The following GTF3A variants were observed in gnomAD, a reference collection of about 807,000 sequenced individuals.
GTF3A encodes the protein transcription factor IIIA.
Under a neutral mutation model 37.6 loss-of-function variants are expected in GTF3A, and 40 were observed. The observed-to-expected ratio is 1.06, with a 90% confidence interval of 0.83 to 1.38. The LOEUF is 1.38. GTF3A is among the 40% of genes most tolerant of loss of function. The pLI is 0.00. For missense variants in GTF3A, 500 were observed against 462.6 expected, an observed-to-expected ratio of 1.08 and a Z score of -0.74; for synonymous variants, 191 against 166.7, an observed-to-expected ratio of 1.15 and a Z score of -1.12.
In GTF3A at chr13:27,434,138, G is replaced by A. The variant is rs763005215; in HGVS notation, c.563-1G>A. ...AGACAATGCACCAATTTTTTTAATAGGCTATGTATGTCAAAAAGGATGTTC... is the reference window on the plus strand; with the variant it reads ...AGACAATGCACCAATTTTTTTAATAAGCTATGTATGTCAAAAAGGATGTTC... On this transcript the variant is annotated splice_acceptor_variant, in intron 5 of 8. Transcript: ENST00000381140. LOFTEE classifies it high-confidence loss of function. The A allele has an allele frequency of 8.6e-7, 1 of 1,159,272 alleles. No homozygotes were observed. Among genetic ancestry groups the A allele is most frequent in the South Asian group, 1.2e-5 (1 of 82,058 alleles). 71.8% of individuals were successfully genotyped at this position (1,159,272 alleles called of 1,614,324 possible). A position where few individuals can be genotyped will look rare whatever the true frequency, so the allele number is the denominator to read the frequency against.
intron 3 of GTF3A, 49 bp from the exon 4 acceptor site, chr13:27,430,484 A>T: frequency 8.6e-7 from 1 of 1,163,956 alleles, no homozygotes; most frequent in Middle Eastern, 1.9e-4. Flanking sequence ...CGAACTGTTC[A>T]TTTTGTTTTG....
Position 27,434,128 on chromosome 13 carries a change from T to A in GTF3A, c.563-11T>A. On this transcript the variant is annotated splice_polypyrimidine_tract_variant and intron_variant, in intron 5 of 8. Coordinates refer to ENST00000381140, the MANE Select transcript of GTF3A (RefSeq NM_002097.3). Reference sequence around the variant, plus strand: ...TATTCATGACAGACAATGCACCAATTTTTTTAATAGGCTATGTATGTCAAA... The same window carrying A: ...TATTCATGACAGACAATGCACCAATATTTTTAATAGGCTATGTATGTCAAA... The A allele has an allele frequency of 9.3e-7, 1 of 1,077,204 alleles. No homozygotes were observed. Among genetic ancestry groups the A allele is most frequent in the South Asian group, 1.2e-5 (1 of 80,426 alleles). The allele number at this position is 1,077,204 out of a possible 1,614,324, so 66.7% of individuals were successfully genotyped here.
Position 27,435,446 on chromosome 13 carries a change from G to A in GTF3A, c.947G>A (p.Arg316His), listed in dbSNP as rs781051153. 12 of 1,612,040 alleles carry A rather than the reference G, an allele frequency of 7.4e-6. No individual in the cohort carries two copies. Among genetic ancestry groups the A allele is most frequent in the East Asian group, 2.2e-5 (1 of 44,870 alleles). The change falls in exon 9 of 9, where the codon CGT becomes CAT. Residue 316 changes from arginine to histidine, a missense_variant. Arg to His is a conservative substitution (Grantham distance 29). Coordinates refer to ENST00000381140, the MANE Select transcript of GTF3A (RefSeq NM_002097.3). ...TTATTCCCAAAGGTCAAAAAATCTC[G>A]TGAAAAACGGAGTTTGGCCTCTCAT...
chr13:27,434,959 T>C lies in GTF3A; in HGVS notation c.798T>C (p.His266=), dbSNP rs948231050. ...CAACTGTGTTTAATCTCCAAAGCCA[T>C]ATCCTCTCCTTCCATGAGGAAAGCC... Residue 266 remains histidine (H), a synonymous_variant, in exon 7 of 9, where the codon CAT becomes CAC. Transcript: ENST00000381140. The C allele has an allele frequency of 1.2e-6, 2 of 1,611,808 alleles. No homozygotes were observed. Among genetic ancestry groups the C allele is most frequent in the Middle Eastern group, 1.6e-4 (1 of 6,062 alleles).
In GTF3A at chr13:27,429,952, C is replaced by T. The variant is rs772731918; in HGVS notation, c.385C>T (p.Gln129Ter). The change falls in exon 3 of 9, where the codon CAA (glutamine) becomes TAA (stop). Residue 129 changes from glutamine (Q) to a stop codon, truncating the protein, a stop_gained. Coordinates refer to ENST00000381140, the MANE Select transcript of GTF3A (RefSeq NM_002097.3). LOFTEE classifies it high-confidence loss of function. ...TTTTGAACGCAAACATGAAAATCAA[C>T]AAAAACAATATATAGTAAGTATGAT... The T allele has an allele frequency of 2.0e-6, 3 of 1,508,646 alleles. No individual in the cohort carries two copies. Among genetic ancestry groups the T allele is most frequent in the Admixed American group, 2.2e-5 (1 of 45,708 alleles). 93.5% of individuals were successfully genotyped at this position (1,508,646 alleles called of 1,614,324 possible). A position where few individuals can be genotyped will look rare whatever the true frequency, so the allele number is the denominator to read the frequency against.
Position 27,432,816 on chromosome 13 carries a change from T to C in GTF3A, c.562+12T>C. On this transcript the variant is annotated intron_variant, in intron 5 of 8. Transcript: ENST00000381140. ...CAAGGCCCACGAGGGTGTGTACGGA[T>C]AGCCTGGGTGTGCTCCGAGGGGGAT... is the stretch of plus-strand genomic sequence containing the variant. The C allele has an allele frequency of 6.3e-7, 1 of 1,592,172 alleles. No individual in the cohort carries two copies. Among genetic ancestry groups the C allele is most frequent in the South Asian group, 1.1e-5 (1 of 87,656 alleles).
chr13:27,430,451 G>C, intron 3 of GTF3A, 82 bp from the exon 4 acceptor site: 1 of 822,202 alleles, frequency 1.2e-6, no homozygotes, highest in Non-Finnish European at 2.0e-6. Context: ...CTCCAAAATT[G>C]TTTTATCTTG....
At chr13:27,430,102 G>T in intron 3 of GTF3A, 136 bp downstream of exon 3, 1 of 433,062 alleles carries the variant, frequency 2.3e-6, no homozygotes, top group Non-Finnish European at 4.2e-6. Flanking sequence ...ACCAGCCTGG[G>T]AAACATAGTG....
At chr13:27,433,725 G>A (rs79553479) in intron 5 of GTF3A, among the ~76,000 whole-genome samples, 15,185 of 152,014 alleles carry the variant, frequency 0.1, 1,118 homozygotes, top group Non-Finnish European at 0.15. Context: ...AAATAGAGGC[G>A]AGGATAGAGC....
chr13:27,435,288 T>A, intron 8 of GTF3A, 96 bp downstream of exon 8: 1 of 1,275,940 alleles, frequency 7.8e-7, no homozygotes, highest in African/African-American at 1.5e-5. Context: ...TGCTTTACTG[T>A]TTGAGTCTGC....
rs746093903 is a variant in GTF3A at position 27,434,889 on chromosome 13, G to A, written c.728G>A (p.Arg243Lys). 2 of 1,612,788 alleles carry A rather than the reference G, an allele frequency of 1.2e-6. No individual in the cohort carries two copies. The highest frequency in any genetic ancestry group is 2.2e-5 in the South Asian group (2 of 91,054). Residue 243 changes from arginine (R) to lysine (K), a missense_variant, in exon 7 of 9, where the codon AGG (arginine) becomes AAG (lysine). Transcript: ENST00000381140. ...CACATGAAAACTCATGCCCCAGAAA[G>A]GGATGTATGTCGCTGTCCAAGAGAA...
At position 27,425,095 on chromosome 13, in the gene GTF3A, T is replaced by G. The variant is rs931029561; in HGVS notation, c.201+157T>G. The G allele has an allele frequency of 2.2e-5, 12 of 549,654 alleles. No homozygotes were observed. In the African/African-American group the frequency reaches 2.2e-4, roughly 10 times the overall value. 34.0% of individuals were successfully genotyped at this position (549,654 alleles called of 1,614,324 possible). On this transcript the variant is annotated intron_variant, in intron 1 of 8. Coordinates refer to ENST00000381140, the MANE Select transcript of GTF3A (RefSeq NM_002097.3). ...AGGAGCTGAGGAAGTAGACAGGAAG[T>G]TGTAGGACCTTCGTTCTGCGACCTT...
Position 27,424,870 on chromosome 13 carries a change from C to T in GTF3A, c.133C>T (p.Pro45Ser). The T allele has an allele frequency of 6.5e-7, 1 of 1,550,168 alleles. No homozygotes were observed. Among genetic ancestry groups the T allele is most frequent in the Non-Finnish European group, 8.7e-7 (1 of 1,146,388 alleles). Reference sequence around the variant, plus strand: ...TCCCAGGAGGTTCATCTGCTCCTTCCCTGACTGCAGCGCCAATTACAGCAA... The same window carrying T: ...TCCCAGGAGGTTCATCTGCTCCTTCTCTGACTGCAGCGCCAATTACAGCAA... The change falls in exon 1 of 9, where the codon CCT becomes TCT. Residue 45 changes from proline (P) to serine (S), a missense_variant. Pro to Ser is a moderately conservative substitution (Grantham distance 74). Coordinates refer to ENST00000381140, the MANE Select transcript of GTF3A (RefSeq NM_002097.3).
rs772435835 is a variant in GTF3A at position 27,434,212 on chromosome 13, C to G, written c.636C>G (p.Thr212=). ...AACTTCTGAAACATGTGAGAGAAAC[C>G]CATAAAGGTAAGGCAGGCATGAATG... is the stretch of plus-strand genomic sequence containing the variant. The change falls in exon 6 of 9, where the codon ACC becomes ACG. Residue 212 remains threonine, a synonymous_variant. Coordinates refer to ENST00000381140, the MANE Select transcript of GTF3A (RefSeq NM_002097.3). 8.0e-7 allele frequency: 1 copy of G among 1,245,518 alleles called. No individual in the cohort carries two copies. The highest frequency in any genetic ancestry group is 1.2e-6 in the Non-Finnish European group (1 of 843,356). 77.2% of individuals were successfully genotyped at this position (1,245,518 alleles called of 1,614,324 possible).
chr13:27,429,243 G>A (rs1026028153), intron 2 of GTF3A: 5 of 139,802 alleles, frequency 3.6e-5, no homozygotes, highest in Non-Finnish European at 7.6e-5. Context: ...AGGAAGTCCT[G>A]CTTCATCCCT....
intron 5 of GTF3A, among the ~76,000 whole-genome samples, chr13:27,433,528 A>AG (rs60220455): frequency 1.5e-4 from 5 of 32,850 alleles, no homozygotes; most frequent in Non-Finnish European, 4.0e-4. Context: ...AAAAAAAAAC[A>AG]AAAAAAAACT....
chr13:27,435,294 T>C, intron 8 of GTF3A, 102 bp downstream of exon 8: 1 of 1,255,874 alleles, frequency 8.0e-7, no homozygotes. Flanking sequence ...ACTGTTTGAG[T>C]CTGCACTACT....
At chr13:27,435,385 A>T in intron 8 of GTF3A, 48 bp from the exon 9 acceptor site, 1 of 1,562,592 alleles carries the variant, frequency 6.4e-7, no homozygotes, top group Non-Finnish European at 8.8e-7. Flanking sequence ...ATTAACTCAG[A>T]CAGTTTTGAT....
intron 8 of GTF3A, 72 bp from the exon 9 acceptor site, chr13:27,435,361 A>G: frequency 6.8e-7 from 1 of 1,460,752 alleles, no homozygotes; most frequent in Non-Finnish European, 9.5e-7. Flanking sequence ...GCTGGTACAT[A>G]TGACTATCGT....
Sources: gnomAD v4.1 joint callset for allele counts (sites outside exome capture counted in the v4.1 genomes callset) on GRCh38, gnomAD v4.1.1 for gene constraint, MANE v1.5 for transcripts, NCBI Gene and HGNC (gene_info 2026-07-23, HGNC 2026-07-21) for gene names.